Variants in DCC observed in about 807,000 individuals in gnomAD.
The protein encoded by DCC is netrin receptor DCC.
In DCC, 58 loss-of-function variants were observed where a neutral mutation model predicts 172.5. That is an observed-to-expected ratio of 0.34 (90% CI 0.27 to 0.42). DCC has a LOEUF of 0.42. Among genes scored for constraint, DCC ranks in the 10% least tolerant of loss-of-function variants. DCC has a pLI of 1.00. For missense variants in DCC, 1,740 were observed against 1,791.0 expected, an observed-to-expected ratio of 0.97 and a Z score of 0.51; for synonymous variants, 709 against 644.5, an observed-to-expected ratio of 1.10 and a Z score of -1.52.
intron 15 of DCC, among the ~76,000 whole-genome samples, chr18:53,365,145 A>G (rs2057990230): frequency 6.7e-6 from 1 of 149,380 alleles, no homozygotes. Context: ...TTCATTGTTC[A>G]ATTCCCACCT....
chr18:53,169,446 A>T (rs1258225632), intron 8 of DCC, among the ~76,000 whole-genome samples: 1 of 152,150 alleles, frequency 6.6e-6, no homozygotes, highest in Non-Finnish European at 1.5e-5. Context: ...ATTTTCATTG[A>T]GTAAATTTGC....
Position 53,404,726 on chromosome 18 carries a change from G to A in DCC, c.2935+1833G>A, listed in dbSNP as rs142334149. Among the ~76,000 whole-genome samples the A allele has an allele frequency of 7.9e-3, 1,120 of 142,606 alleles. 17 individuals carry two copies. Among genetic ancestry groups the A allele is most frequent in the Admixed American group, 0.029 (408 of 13,872 alleles). 93.6% of individuals were successfully genotyped at this position (142,606 alleles called of 152,430 possible). ...AGCCTGGGCGACAGAGTAAGACTCC[G>A]TCTCAAAAATAAAAAAATAAAATAA... On this transcript the variant is annotated intron_variant, in intron 19 of 28. Coordinates refer to ENST00000442544, the MANE Select transcript of DCC (RefSeq NM_005215.4).
intron 7 of DCC, among the ~76,000 whole-genome samples, chr18:53,068,771 CTG>C (rs74683814): frequency 0.31 from 44,921 of 143,320 alleles, 7,394 homozygotes; most frequent in Non-Finnish European, 0.39. Context: ...ACCTTTTAGA[CTG>C]TGTGTGTGTG....
At chr18:53,009,080 T>G (rs529498763) in intron 5 of DCC, among the ~76,000 whole-genome samples, 2 of 151,968 alleles carry the variant, frequency 1.3e-5, no homozygotes, top group East Asian at 3.9e-4. Context: ...TGTGGATTCC[T>G]CATCTCACAG....
chr18:52,499,931 A>C (rs892741388), intron 1 of DCC, among the ~76,000 whole-genome samples: 5 of 152,156 alleles, frequency 3.3e-5, no homozygotes, highest in African/African-American at 1.2e-4. Flanking sequence ...TGAATGAATT[A>C]GGGATAAATC....
intron 4 of DCC, 49 bp downstream of exon 4, chr18:52,923,906 ATGC>A: frequency 7.5e-7 from 1 of 1,332,378 alleles, no homozygotes; most frequent in Non-Finnish European, 1.1e-6. Context: ...TGTATGGTAT[ATGC>A]TGCTATTTAT....
At chr18:52,601,905 CT>C (rs918402554) in intron 1 of DCC, among the ~76,000 whole-genome samples, 5 of 151,974 alleles carry the variant, frequency 3.3e-5, no homozygotes, top group East Asian at 1.9e-4. Context: ...AATTTTCTTA[CT>C]TTTTTTGACT....
chr18:52,448,953 C>G (rs118067992), intron 1 of DCC, among the ~76,000 whole-genome samples: 5,399 of 152,284 alleles, frequency 0.035, 148 homozygotes, highest in South Asian at 0.1. Context: ...TTTATTAGTT[C>G]ATTCTCATGC....
chr18:53,198,967 C>T (rs1249903510), intron 9 of DCC, among the ~76,000 whole-genome samples: 1 of 152,066 alleles, frequency 6.6e-6, no homozygotes, highest in Non-Finnish European at 1.5e-5. Context: ...AGCAGTTAAG[C>T]CCATTAAGTT....
At chr18:53,212,962 A>G (rs1247776846) in intron 11 of DCC, among the ~76,000 whole-genome samples, 1 of 152,102 alleles carries the variant, frequency 6.6e-6, no homozygotes, top group Non-Finnish European at 1.5e-5. Context: ...GTGAGCCACC[A>G]TGCCCAGCCT....
intron 2 of DCC, among the ~76,000 whole-genome samples, chr18:52,763,747 T>A (rs1195441686): frequency 2.0e-5 from 3 of 152,192 alleles, no homozygotes; most frequent in Non-Finnish European, 4.4e-5. Context: ...CACTCCTATC[T>A]CCCCTTCTGC....
intron 2 of DCC, among the ~76,000 whole-genome samples, chr18:52,890,146 G>T (rs1046379061): frequency 1.3e-5 from 2 of 152,124 alleles, no homozygotes; most frequent in Admixed American, 6.6e-5. Flanking sequence ...TTTGGTTTTA[G>T]GAGTTTGAGT....
intron 1 of DCC, among the ~76,000 whole-genome samples, chr18:52,427,839 C>CCTTCCTTCCTTT (rs1555681277): frequency 7.6e-3 from 403 of 52,850 alleles, no homozygotes; most frequent in African/African-American, 0.018. Flanking sequence ...TTCCTTTCTT[C>CCTTCCTTCCTTT]CTTCCTTCCT....
At chr18:53,119,515 C>T (rs1040496142) in intron 7 of DCC, among the ~76,000 whole-genome samples, 3 of 151,756 alleles carry the variant, frequency 2.0e-5, no homozygotes, top group African/African-American at 7.3e-5. Context: ...AAATTAGAAA[C>T]CTTAGCAAAC....
At chr18:53,021,215 GC>G (rs1416294945) in intron 5 of DCC, among the ~76,000 whole-genome samples, 9 of 152,156 alleles carry the variant, frequency 5.9e-5, no homozygotes, top group Admixed American at 1.3e-4. Flanking sequence ...AGAATACCTG[GC>G]CCCGTGTTCA....
chr18:52,767,808 G>A (rs901271310), intron 2 of DCC, among the ~76,000 whole-genome samples: 1 of 152,130 alleles, frequency 6.6e-6, no homozygotes, highest in Non-Finnish European at 1.5e-5. Flanking sequence ...GTGTAGTTAT[G>A]TAAATAATTT....
rs868663161 is a variant in DCC, at chr18:53,264,794, A to G, written c.1912-40784A>G. 1.2e-4 allele frequency among the ~76,000 whole-genome samples: 19 copies of G among 152,286 alleles called. No homozygotes were observed. The Middle Eastern group carries it at 0.02, about 164-fold the overall frequency. On this transcript the variant is annotated intron_variant, in intron 12 of 28. Coordinates refer to ENST00000442544, the MANE Select transcript of DCC (RefSeq NM_005215.4). The stretch of plus-strand genomic sequence containing the variant: ...GAAAAGAATAAGGATGGAAAAAATC[A>G]GAATGGACAGAACAATATGCCATAA...
In DCC at chr18:52,973,235, A is replaced by G. The variant is rs549560042; in HGVS notation, c.985+47865A>G. 1.1e-4 allele frequency among the ~76,000 whole-genome samples: 17 copies of G among 152,322 alleles called. 1 individual carries two copies. The South Asian group carries it at 3.5e-3, about 32-fold the overall frequency. Reference sequence around the variant, plus strand: ...ATAGCAATGTATTTTTAAATTGACAAGTATTCATGTTTAATAACTTTAGTT... The same window carrying G: ...ATAGCAATGTATTTTTAAATTGACAGGTATTCATGTTTAATAACTTTAGTT... On this transcript the variant is annotated intron_variant, in intron 5 of 28. Transcript: ENST00000442544.
intron 22 of DCC, among the ~76,000 whole-genome samples, chr18:53,446,655 C>G (rs897806893): frequency 1.3e-5 from 2 of 152,094 alleles, no homozygotes; most frequent in Admixed American, 1.3e-4. Context: ...ATTTGTAACC[C>G]CCAAATCAAT....
Sources: gnomAD v4.1 joint callset for allele counts (sites outside exome capture counted in the v4.1 genomes callset) on GRCh38, gnomAD v4.1.1 for gene constraint, MANE v1.5 for transcripts, NCBI Gene and HGNC (gene_info 2026-07-23, HGNC 2026-07-21) for gene names.